ADGRG3: variants seen among roughly 807,000 people sequenced by gnomAD.
ADGRG3 encodes adhesion G protein-coupled receptor G3.
ADGRG3 carries 39 observed loss-of-function variants against 54.3 expected under a neutral mutation model. That is an observed-to-expected ratio of 0.72 (90% CI 0.56 to 0.94). The LOEUF (loss-of-function observed/expected upper bound fraction) is 0.94. Among genes scored for constraint, ADGRG3 ranks in the 40% least tolerant of loss-of-function variants. The probability of loss-of-function intolerance (pLI) is 0.00; values close to 1 mark genes in which losing one functional copy is unlikely to be tolerated. For missense variants in ADGRG3, 654 were observed against 694.6 expected, an observed-to-expected ratio of 0.94 and a Z score of 0.66; for synonymous variants, 312 against 290.0, an observed-to-expected ratio of 1.08 and a Z score of -0.77.
intron 4 of ADGRG3, 179 bp downstream of exon 4, chr16:57,678,495 C>A (rs2048304624): frequency 1.6e-6 from 1 of 614,280 alleles, no homozygotes; most frequent in Admixed American, 2.9e-5. Flanking sequence ...AGTCTATGGT[C>A]TTCAGACTCA....
intron 4 of ADGRG3, chr16:57,678,570 TC>T: frequency 1.8e-6 from 1 of 546,432 alleles, no homozygotes; most frequent in Non-Finnish European, 3.3e-6. Flanking sequence ...TGTCTATGTG[TC>T]CTGTGGGTGC....
At chr16:57,670,274 A>G (rs747758590) in intron 1 of ADGRG3, among the ~76,000 whole-genome samples, 5 of 152,192 alleles carry the variant, frequency 3.3e-5, no homozygotes, top group Admixed American at 1.3e-4. Context: ...TGTCTACATG[A>G]AATGCTTGCA....
chr16:57,680,248 C>T lies in ADGRG3; in HGVS notation c.668-17C>T. The T allele has an allele frequency of 6.5e-7, 1 of 1,533,044 alleles. No individual in the cohort carries two copies. The highest frequency in any genetic ancestry group is 9.0e-7 in the Non-Finnish European group (1 of 1,109,020). 95.0% of individuals were successfully genotyped at this position (1,533,044 alleles called of 1,614,324 possible). The stretch of plus-strand genomic sequence containing the variant: ...CCTATATTCCCTTTCCCTCTGTTCC[C>T]CTGGCCTCCTCTCCAGGGACCACTG... On this transcript the variant is annotated splice_polypyrimidine_tract_variant and intron_variant, in intron 6 of 11. Transcript: ENST00000333493.
chr16:57,670,267 C>A (rs2048129944), intron 1 of ADGRG3, among the ~76,000 whole-genome samples: 1 of 152,194 alleles, frequency 6.6e-6, no homozygotes, highest in African/African-American at 2.4e-5. Flanking sequence ...GTCTCCTTGT[C>A]TACATGAAAT....
chr16:57,685,968 G>A (rs1466850344), intron 11 of ADGRG3, 42 bp downstream of exon 11: 3 of 1,593,634 alleles, frequency 1.9e-6, no homozygotes, highest in African/African-American at 1.3e-5. Context: ...TGTGTTGTCT[G>A]TCCCAGGAGG....
chr16:57,688,259 TG>T, intron 11 of ADGRG3, 92 bp from the exon 12 acceptor site: 1 of 801,514 alleles, frequency 1.2e-6, no homozygotes. Context: ...GTGGTTACGG[TG>T]GGTCTCCTCC....
upstream of ADGRG3, among the ~76,000 whole-genome samples, chr16:57,665,776 C>T (rs777656376): frequency 1.4e-3 from 217 of 152,330 alleles, 1 homozygote; most frequent in Non-Finnish European, 2.1e-3. Flanking sequence ...GCTCCTCCCT[C>T]CTCCCCTGGC....
intron 8 of ADGRG3, chr16:57,682,556 C>A (rs540154262): frequency 6.0e-4 from 592 of 985,412 alleles, no homozygotes; most frequent in Middle Eastern, 3.1e-3. Flanking sequence ...ATTGCTGGAC[C>A]CTGTGAGCGG....
Position 57,688,569 on chromosome 16 carries a change from C to A in ADGRG3, c.*108C>A. ...CAGTTTCCTTCTCTGTACAATGTGG[C>A]TGGGGAGGGAGAGGATGGGACCAGG... is the stretch of plus-strand genomic sequence containing the variant. On this transcript the variant is annotated 3_prime_UTR_variant, in exon 12 of 12. Transcript: ENST00000333493. 1.3e-6 allele frequency: 1 copy of A among 760,476 alleles called. No homozygotes were observed. Among genetic ancestry groups the A allele is most frequent in the Non-Finnish European group, 2.4e-6 (1 of 423,368 alleles). The allele number at this position is 760,476 out of a possible 1,614,324, so 47.1% of individuals were successfully genotyped here. A position where few individuals can be genotyped will look rare whatever the true frequency, so the allele number is the denominator to read the frequency against.
At chr16:57,679,920 C>A in intron 6 of ADGRG3, 65 bp downstream of exon 6, 3 of 1,319,586 alleles carry the variant, frequency 2.3e-6, no homozygotes, top group Non-Finnish European at 2.2e-6. Context: ...CATTGTGGGG[C>A]GGGGCTAGCT....
chr16:57,679,211 T>G lies in ADGRG3; in HGVS notation c.527T>G (p.Val176Gly). The G allele has an allele frequency of 6.2e-7, 1 of 1,613,946 alleles. No homozygotes were observed. The highest frequency in any genetic ancestry group is 8.5e-7 in the Non-Finnish European group (1 of 1,179,912). ...PRLGLGDGSGVLNNRLVGLSV... is the reference protein window; with the variant it reads ...PRLGLGDGSGGLNNRLVGLSV... ...CTCGGCCTGGGAGATGGCAGCGGCG[T>G]GTTGAACAATCGCCTGGTGGGTTTG... The change falls in exon 5 of 12, where the codon GTG becomes GGG. Residue 176 changes from valine to glycine, a missense_variant. Transcript: ENST00000333493.
Position 57,668,411 on chromosome 16 carries a change from T to C in ADGRG3, c.58+6T>C. The C allele has an allele frequency of 6.4e-7, 1 of 1,566,084 alleles. No homozygotes were observed. The highest frequency in any genetic ancestry group is 8.6e-7 in the Non-Finnish European group (1 of 1,163,846). On this transcript the variant is annotated splice_donor_region_variant and intron_variant, in intron 1 of 11. Coordinates refer to ENST00000333493, the MANE Select transcript of ADGRG3 (RefSeq NM_170776.5). The stretch of plus-strand genomic sequence containing the variant: ...CCTCCTGCTCCCGACCTCAGGTGAG[T>C]GGCTGGCACCTCATCCCCTCCTGCC...
intron 1 of ADGRG3, among the ~76,000 whole-genome samples, chr16:57,669,267 C>T (rs1348264132): frequency 6.6e-6 from 1 of 152,242 alleles, no homozygotes; most frequent in Non-Finnish European, 1.5e-5. Context: ...GTGACTTTGG[C>T]CACATAGATC....
chr16:57,668,957 G>A (rs1026905338), intron 1 of ADGRG3, among the ~76,000 whole-genome samples: 9 of 152,170 alleles, frequency 5.9e-5, no homozygotes, highest in African/African-American at 1.4e-4. Context: ...TCACTCTCCC[G>A]TCTCACACAC....
At chr16:57,670,678 A>G (rs1221876343) in intron 1 of ADGRG3, among the ~76,000 whole-genome samples, 3 of 152,238 alleles carry the variant, frequency 2.0e-5, no homozygotes, top group Non-Finnish European at 4.4e-5. Flanking sequence ...TTTATAAACT[A>G]ACAGAAATTT....
chr16:57,671,832 T>C (rs990216445), intron 1 of ADGRG3, among the ~76,000 whole-genome samples: 2 of 152,110 alleles, frequency 1.3e-5, no homozygotes, highest in African/African-American at 4.8e-5. Flanking sequence ...AGTTTGCAAC[T>C]ATATAAAGAA....
chr16:57,677,582 C>CA lies in ADGRG3; in HGVS notation c.346-580dup, dbSNP rs575232472. Among the ~76,000 whole-genome samples the CA allele has an allele frequency of 1.5e-3, 220 of 151,704 alleles. 1 individual carries two copies. The highest frequency in any genetic ancestry group is 0.013 in the South Asian group (61 of 4,804). On this transcript the variant is annotated intron_variant, in intron 3 of 11. Coordinates refer to ENST00000333493, the MANE Select transcript of ADGRG3 (RefSeq NM_170776.5). ...GGGCAACAAGAATGAGACTCCATCT[C>CA]AAAAAAAACAAATGCTTTGCAATGA...
Position 57,679,960 on chromosome 16 carries a change from T to TCTCCC in ADGRG3, c.667+120_667+124dup, listed in dbSNP as rs1213170705. On this transcript the variant is annotated intron_variant, in intron 6 of 11. Transcript: ENST00000333493. ...TGGCTGAGTCCCTCCCCTGCCTTCC[T>TCTCCC]CTCCCCTCCCCTCCCCTCCTCTTTG... 3.2e-4 allele frequency: 267 copies of TCTCCC among 837,754 alleles called. 3 individuals are homozygous for TCTCCC. Among genetic ancestry groups the TCTCCC allele is most frequent in the African/African-American group, 2.7e-3 (141 of 52,872 alleles). 51.9% of individuals were successfully genotyped at this position (837,754 alleles called of 1,614,324 possible).
Position 57,678,202 on chromosome 16 carries a change from G to GC in ADGRG3, c.383dup (p.Asp129Ter), listed in dbSNP as rs1332997448. ...GGCAGGTGATGAAGGACGAGGACAA[G>GC]CCCCCTGACAGAGTGCGACTTCCCA... On this transcript the variant is annotated frameshift_variant, in exon 4 of 12. Transcript: ENST00000333493. LOFTEE classifies it high-confidence loss of function. 1 of 1,614,182 alleles carries GC rather than the reference G, an allele frequency of 6.2e-7. No homozygotes were observed. Among genetic ancestry groups the GC allele is most frequent in the East Asian group, 2.2e-5 (1 of 44,886 alleles).
Sources: gnomAD v4.1 joint callset for allele counts (sites outside exome capture counted in the v4.1 genomes callset) on GRCh38, gnomAD v4.1.1 for gene constraint, MANE v1.5 for transcripts, NCBI Gene and HGNC (gene_info 2026-07-23, HGNC 2026-07-21) for gene names.